Variants in RFX8 observed in about 807,000 individuals in gnomAD.
RFX8 encodes the protein DNA-binding protein RFX8.
In RFX8, 46 loss-of-function variants were observed where a neutral mutation model predicts 54.6. That is an observed-to-expected ratio of 0.84 (90% CI 0.67 to 1.08). The LOEUF (loss-of-function observed/expected upper bound fraction) is 1.08, where lower values mean the gene tolerates loss of function less well. Among genes scored for constraint, RFX8 ranks in the 50% least tolerant of loss-of-function variants. The pLI is 0.00. For synonymous variants in RFX8, 192 were observed against 209.5 expected (o/e 0.92, Z 0.72); for missense variants, 536 against 562.3 (o/e 0.95, Z 0.47).
intron 2 of RFX8, among the ~76,000 whole-genome samples, chr2:101,443,392 G>A (rs12712102): frequency 0.42 from 63,334 of 152,066 alleles, 15,245 homozygotes; most frequent in Non-Finnish European, 0.52. Flanking sequence ...GAAGTATTAG[G>A]CACAATCATA....
Position 101,407,607 on chromosome 2 carries a change from G to A in RFX8, c.814-1550C>T, listed in dbSNP as rs144178332. ...CTCCGGAGGCTGAGGCAGGAGAATC[G>A]CTTGAACCTGGGAGGCGGAGGTTGC... On this transcript the variant is annotated intron_variant, in intron 9 of 11. Transcript: ENST00000428343. 3.1e-3 allele frequency among the ~76,000 whole-genome samples: 466 copies of A among 152,158 alleles called. 1 individual carries two copies. The highest frequency in any genetic ancestry group is 0.011 in the African/African-American group (441 of 41,508).
At chr2:101,423,268 A>AAAG (rs1203031379) in intron 2 of RFX8, among the ~76,000 whole-genome samples, 1 of 151,658 alleles carries the variant, frequency 6.6e-6, no homozygotes, top group African/African-American at 2.4e-5. Context: ...TCAAAAAAAA[A>AAAG]AAAAAAAAGA....
rs78738561 is a variant in RFX8 at position 101,465,816 on chromosome 2, C to T, written c.72+961G>A. 3.8e-3 allele frequency among the ~76,000 whole-genome samples: 582 copies of T among 152,208 alleles called. 12 individuals carry two copies. In the East Asian group the frequency reaches 0.058, roughly 15 times the overall value. ...CCAACAGTAGCCAAAAAAAGGTAAGCGCTCTTGACCTTTGAGCACATCTGA... is the reference window on the plus strand; with the variant it reads ...CCAACAGTAGCCAAAAAAAGGTAAGTGCTCTTGACCTTTGAGCACATCTGA... On this transcript the variant is annotated intron_variant, in intron 2 of 11. Transcript: ENST00000428343.
chr2:101,414,859 C>T lies in RFX8; in HGVS notation c.556G>A (p.Ala186Thr). The T allele has an allele frequency of 6.5e-7, 1 of 1,550,146 alleles. No individual in the cohort carries two copies. Among genetic ancestry groups the T allele is most frequent in the African/African-American group, 1.4e-5 (1 of 73,074 alleles). The change falls in exon 7 of 12, where the codon GCT (alanine) becomes ACT (threonine). Residue 186 changes from alanine to threonine, a missense_variant. By Grantham distance (58) the Ala-to-Thr change is moderately conservative (BLOSUM62 0). Coordinates refer to ENST00000428343, the MANE Select transcript of RFX8 (RefSeq NM_001145664.2). ...LRRKTYLSNM[A>T]KTMRMVLKSK... ...TCTGCTTGGCTGAAGCCTACCTTAG[C>T]CATGTTGGAAAGGTACGTCTTTCTT...
chr2:101,466,307 CG>C (rs1329558329), intron 2 of RFX8, among the ~76,000 whole-genome samples: 1 of 79,226 alleles, frequency 1.3e-5, no homozygotes, highest in African/African-American at 4.4e-5. Flanking sequence ...AATTCTATCT[CG>C]GAAAAAAAAA....
chr2:101,474,162 A>G, intron 1 of RFX8: 2 of 604,552 alleles, frequency 3.3e-6, no homozygotes, highest in Non-Finnish European at 5.9e-6. Flanking sequence ...CCCCGGCCCC[A>G]CCTCCTCCAT....
chr2:101,456,429 T>C (rs999140569), intron 2 of RFX8, among the ~76,000 whole-genome samples: 1 of 152,242 alleles, frequency 6.6e-6, no homozygotes, highest in Non-Finnish European at 1.5e-5. Flanking sequence ...TGAATGGCTG[T>C]TGAATTTTGC....
chr2:101,428,538 A>G lies in RFX8; in HGVS notation c.73-6066T>C, dbSNP rs571146107. 2.0e-5 allele frequency among the ~76,000 whole-genome samples: 3 copies of G among 152,356 alleles called. No homozygotes were observed. In the South Asian group the frequency reaches 6.2e-4, roughly 32 times the overall value. On this transcript the variant is annotated intron_variant, in intron 2 of 11. Coordinates refer to ENST00000428343, the MANE Select transcript of RFX8 (RefSeq NM_001145664.2). ...AATTTGCAGCTCGCACTAAGACAGT[A>G]TCCAAGTACTATCATATCGTTTTGG...
chr2:101,427,077 C>T (rs1049900272), intron 2 of RFX8, among the ~76,000 whole-genome samples: 1 of 152,176 alleles, frequency 6.6e-6, no homozygotes, highest in African/African-American at 2.4e-5. Context: ...CTCCCGGCTC[C>T]AATGCAGGCT....
chr2:101,445,549 C>T (rs768202598), intron 2 of RFX8, among the ~76,000 whole-genome samples: 8 of 151,488 alleles, frequency 5.3e-5, no homozygotes, highest in Non-Finnish European at 7.4e-5. Context: ...CACCACCATG[C>T]CCAGCTAATA....
intron 2 of RFX8, among the ~76,000 whole-genome samples, chr2:101,423,115 G>C (rs149211252): frequency 2.0e-5 from 3 of 151,992 alleles, no homozygotes; most frequent in Admixed American, 6.6e-5. Context: ...AAAATTAGCC[G>C]GGTGTGGTGG....
intron 2 of RFX8, among the ~76,000 whole-genome samples, chr2:101,429,774 T>C (rs373058370): frequency 5.3e-5 from 8 of 152,144 alleles, no homozygotes; most frequent in African/African-American, 1.9e-4. Flanking sequence ...TACCTGAACA[T>C]AAAAAAGAGA....
At chr2:101,442,080 A>G (rs1688131076) in intron 2 of RFX8, among the ~76,000 whole-genome samples, 1 of 152,208 alleles carries the variant, frequency 6.6e-6, no homozygotes, top group African/African-American at 2.4e-5. Context: ...TATAGTTCTC[A>G]TAGTGGTCAC....
intron 2 of RFX8, among the ~76,000 whole-genome samples, chr2:101,452,130 ACCTAACTG>A (rs2148973911): frequency 6.6e-6 from 1 of 152,302 alleles, no homozygotes; most frequent in East Asian, 1.9e-4. Context: ...TGAGACATTT[ACCTAACTG>A]TAGAACAATA....
At chr2:101,437,540 G>A (rs1573429613) in intron 2 of RFX8, among the ~76,000 whole-genome samples, 3 of 151,518 alleles carry the variant, frequency 2.0e-5, no homozygotes, top group East Asian at 3.9e-4. Context: ...ATCATGCCAC[G>A]TGACCACACT....
intron 7 of RFX8, among the ~76,000 whole-genome samples, chr2:101,413,551 A>G (rs1256728823): frequency 2.0e-5 from 3 of 152,100 alleles, no homozygotes; most frequent in Non-Finnish European, 2.9e-5. Flanking sequence ...AGTCCCCAAC[A>G]CTGTCCGACT....
chr2:101,452,403 C>G, intron 2 of RFX8: 1 of 1,416,632 alleles, frequency 7.1e-7, no homozygotes, highest in Non-Finnish European at 9.2e-7. Context: ...TCCTCTAGTG[C>G]CCAGCCTCCG....
At chr2:101,451,839 A>C (rs1200321698) in intron 2 of RFX8, among the ~76,000 whole-genome samples, 1 of 152,178 alleles carries the variant, frequency 6.6e-6, no homozygotes, top group Admixed American at 6.5e-5. Flanking sequence ...CACGCCCGTA[A>C]TCCCAGTGCT....
At chr2:101,436,563 T>A (rs1687793785) in intron 2 of RFX8, among the ~76,000 whole-genome samples, 3 of 151,946 alleles carry the variant, frequency 2.0e-5, no homozygotes, top group Non-Finnish European at 2.9e-5. Context: ...AGTAGGAGAG[T>A]TTTTGTAAAT....
Sources: allele counts gnomAD v4.1 joint callset (sites outside exome capture counted in the v4.1 genomes callset), GRCh38; gene constraint gnomAD v4.1.1; transcripts MANE v1.5; gene names NCBI Gene and HGNC (gene_info 2026-07-23, HGNC 2026-07-21).